DHX15: variants seen among roughly 807,000 people sequenced by gnomAD.
DHX15 encodes DEAH-box helicase 15.
A neutral mutation model predicts 94.4 loss-of-function variants in DHX15; 11 were observed. The ratio of observed to expected loss-of-function variants is 0.12; its 90% CI spans 0.07 to 0.19. The LOEUF (loss-of-function observed/expected upper bound fraction) is 0.19. Ranked by LOEUF, DHX15 falls within the 10% of genes least tolerant of loss-of-function variation. The pLI, the probability that DHX15 is intolerant of heterozygous loss-of-function variation, is 1.00. For synonymous variants in DHX15, 338 were observed against 329.9 expected, an observed-to-expected ratio of 1.02 and a Z score of -0.27; for missense variants, 304 against 988.5, an observed-to-expected ratio of 0.31 and a Z score of 9.29.
intron 5 of DHX15, among the ~76,000 whole-genome samples, chr4:24,551,770 C>T (rs535895105): frequency 1.3e-5 from 2 of 152,234 alleles, no homozygotes; most frequent in East Asian, 3.9e-4. Context: ...AGAGTATCTG[C>T]AATTTTGTTA....
chr4:24,539,014 C>T (rs1035191005), intron 10 of DHX15: 1 of 152,062 alleles, frequency 6.6e-6, no homozygotes, highest in Non-Finnish European at 1.5e-5. Context: ...CAGACAACAA[C>T]CTACCACCAC....
At chr4:24,567,127 A>C (rs756863401) in intron 3 of DHX15, among the ~76,000 whole-genome samples, 4 of 152,168 alleles carry the variant, frequency 2.6e-5, no homozygotes, top group Non-Finnish European at 2.9e-5. Context: ...AAAAAATAAA[A>C]AGGAAGCATA....
intron 3 of DHX15, among the ~76,000 whole-genome samples, chr4:24,566,473 C>T (rs931414087): frequency 1.3e-5 from 2 of 152,162 alleles, no homozygotes; most frequent in Admixed American, 1.3e-4. Flanking sequence ...CCTGTAATTC[C>T]CTATCCCATA....
At chr4:24,567,920 C>T (rs1010789273) in intron 3 of DHX15, among the ~76,000 whole-genome samples, 4 of 152,196 alleles carry the variant, frequency 2.6e-5, no homozygotes, top group Non-Finnish European at 5.9e-5. Flanking sequence ...TACTTGTTCA[C>T]TGGGATGGGG....
rs1243806688 is a variant in DHX15, at chr4:24,554,743, A to G, written c.1062T>C (p.Leu354=). 6.2e-7 allele frequency: 1 copy of G among 1,613,234 alleles called. No homozygotes were observed. The highest frequency in any genetic ancestry group is 8.5e-7 in the Non-Finnish European group (1 of 1,179,798). Residue 354 remains leucine (L), a synonymous_variant, in exon 5 of 14, where the codon CTT becomes CTC. Coordinates refer to ENST00000336812, the MANE Select transcript of DHX15 (RefSeq NM_001358.3). Reference sequence around the variant, plus strand: ...ACAATACCTCTTGACCAGTTAAGAAAAGAAGAAGATCTCCCTCTTCCTCTT... The same window carrying G: ...ACAATACCTCTTGACCAGTTAAGAAGAGAAGAAGATCTCCCTCTTCCTCTT... ...MCEEEEGDLL[L]FLTGQEEIDE...
At chr4:24,559,541 G>T (rs1348427089) in intron 3 of DHX15, among the ~76,000 whole-genome samples, 1 of 152,098 alleles carries the variant, frequency 6.6e-6, no homozygotes, top group Non-Finnish European at 1.5e-5. Context: ...TTATGTAAGA[G>T]TCAAGTTTTA....
At chr4:24,534,955 G>A (rs1721164240) in intron 11 of DHX15, among the ~76,000 whole-genome samples, 1 of 113,882 alleles carries the variant, frequency 8.8e-6, no homozygotes, top group Non-Finnish European at 2.1e-5. Context: ...AAAGTTTTTT[G>A]CTTTTTTTTT....
At chr4:24,550,286 T>G (rs1721565357) in intron 5 of DHX15, among the ~76,000 whole-genome samples, 1 of 151,828 alleles carries the variant, frequency 6.6e-6, no homozygotes, top group Non-Finnish European at 1.5e-5. Flanking sequence ...GATACAAAAT[T>G]TATAAAAAAA....
intron 3 of DHX15, among the ~76,000 whole-genome samples, chr4:24,566,598 G>A (rs1309708150): frequency 6.6e-6 from 1 of 152,084 alleles, no homozygotes; most frequent in African/African-American, 2.4e-5. Flanking sequence ...GGCTGAGGTG[G>A]GTGGATCACT....
intron 5 of DHX15, among the ~76,000 whole-genome samples, chr4:24,553,725 C>T (rs371353983): frequency 5.3e-5 from 8 of 151,540 alleles, no homozygotes; most frequent in Admixed American, 4.6e-4. Flanking sequence ...TGCAGTGAGC[C>T]GATAATCATG....
At chr4:24,551,432 GAACA>G (rs1721601911) in intron 5 of DHX15, among the ~76,000 whole-genome samples, 1 of 151,794 alleles carries the variant, frequency 6.6e-6, no homozygotes, top group Admixed American at 6.6e-5. Context: ...AACACAGTAA[GAACA>G]AATAAATTAC....
chr4:24,566,193 C>G (rs1239324767), intron 3 of DHX15, among the ~76,000 whole-genome samples: 1 of 152,024 alleles, frequency 6.6e-6, no homozygotes, highest in Non-Finnish European at 1.5e-5. Context: ...GTACATACCA[C>G]CACACCTGGC....
chr4:24,551,672 C>A (rs1017133213), intron 5 of DHX15, among the ~76,000 whole-genome samples: 2 of 152,054 alleles, frequency 1.3e-5, no homozygotes, highest in African/African-American at 2.4e-5. Flanking sequence ...GATTAGAATG[C>A]CCCCTGCTGG....
chr4:24,547,837 TATATAAATATTTAAGAC>T (rs1721457761), intron 6 of DHX15, among the ~76,000 whole-genome samples: 1 of 148,668 alleles, frequency 6.7e-6, no homozygotes, highest in African/African-American at 2.5e-5. Context: ...ATTAACTTAT[TATATAAATATTTAAGAC>T]ATATATGTCT....
intron 6 of DHX15, among the ~76,000 whole-genome samples, chr4:24,547,937 A>ATCTATATCTATATC (rs1560765929): frequency 1.0e-3 from 35 of 34,004 alleles, no homozygotes; most frequent in African/African-American, 3.6e-3. Context: ...ATATATATAT[A>ATCTATATCTATATC]TATATCTATA....
chr4:24,567,350 G>A (rs947676033), intron 3 of DHX15, among the ~76,000 whole-genome samples: 1 of 151,348 alleles, frequency 6.6e-6, no homozygotes, highest in Non-Finnish European at 1.5e-5. Context: ...AGGCAGAGGC[G>A]GGCGGATCAC....
At position 24,527,955 on chromosome 4, in the gene DHX15, T is replaced by C; in HGVS notation, c.2357A>G (p.Lys786Arg). The change falls in exon 14 of 14, where the codon AAA becomes AGA. Residue 786 changes from lysine to arginine, a missense_variant. Physicochemically the swap from Lys to Arg is conservative, Grantham distance 26. Transcript: ENST00000336812. ...AKRQLDRIIA[K>R]LQSKEYSQY ...CTGTGAATATTCCTTGGATTGAAGTTTGGCAATGATGCGGTCCAACTGTCT... is the reference window on the plus strand; with the variant it reads ...CTGTGAATATTCCTTGGATTGAAGTCTGGCAATGATGCGGTCCAACTGTCT... 1.2e-6 allele frequency: 2 copies of C among 1,613,792 alleles called. No homozygotes were observed. Among genetic ancestry groups the C allele is most frequent in the Non-Finnish European group, 1.7e-6 (2 of 1,179,720 alleles).
chr4:24,537,376 G>A lies in DHX15; in HGVS notation c.1787-203C>T. ...ATCTGTAAGACAAGAGGGTTTCAAA[G>A]CTACAGAGTACCTGATTATTTTAAC... On this transcript the variant is annotated intron_variant, in intron 10 of 13. Coordinates refer to ENST00000336812, the MANE Select transcript of DHX15 (RefSeq NM_001358.3). This position sits in a 1 kb window ranked among gnomAD's most constrained non-coding sequence, Gnocchi z 4.7. 1.9e-6 allele frequency: 1 copy of A among 516,832 alleles called. No homozygotes were observed. Among genetic ancestry groups the A allele is most frequent in the Middle Eastern group, 4.9e-4 (1 of 2,046 alleles). 32.0% of individuals were successfully genotyped at this position (516,832 alleles called of 1,614,324 possible).
chr4:24,532,614 T>A (rs1242315382), intron 12 of DHX15, among the ~76,000 whole-genome samples: 1 of 152,232 alleles, frequency 6.6e-6, no homozygotes, highest in East Asian at 1.9e-4. Flanking sequence ...ATTAATAAAA[T>A]AATTCTAAAA....
Sources: allele counts gnomAD v4.1 joint callset (sites outside exome capture counted in the v4.1 genomes callset), GRCh38; gene constraint gnomAD v4.1.1; non-coding constraint Gnocchi (gnomAD v3.1); transcripts MANE v1.5; gene names NCBI Gene and HGNC (gene_info 2026-07-23, HGNC 2026-07-21).